Variants in PCDHGA7 observed in about 807,000 individuals in gnomAD.
PCDHGA7 encodes protocadherin gamma-A7.
PCDHGA7 carries 44 observed loss-of-function variants against 58.3 expected under a neutral mutation model. The ratio of observed to expected loss-of-function variants is 0.75; its 90% CI spans 0.59 to 0.97. The LOEUF (loss-of-function observed/expected upper bound fraction) is 0.97, where lower values mean the gene tolerates loss of function less well. PCDHGA7 is among the 50% of genes least tolerant of loss of function. The pLI is 0.00. For missense variants in PCDHGA7, 1,266 were observed against 1,188.7 expected, an observed-to-expected ratio of 1.06 and a Z score of -0.96; for synonymous variants, 516 against 504.2, an observed-to-expected ratio of 1.02 and a Z score of -0.31.
At chr5:141,407,117 C>T (rs1412216570) in intron 1 of PCDHGA7, among the ~76,000 whole-genome samples, 1 of 152,098 alleles carries the variant, frequency 6.6e-6, no homozygotes, top group African/African-American at 2.4e-5. Flanking sequence ...ATTTGGGTTT[C>T]AGTTGCTTTA....
chr5:141,490,585 G>C lies in PCDHGA7; in HGVS notation c.2425-4222G>C. On this transcript the variant is annotated intron_variant, in intron 1 of 3. Transcript: ENST00000518325. The surrounding 1 kb of genome is among the most constrained non-coding windows in gnomAD (Gnocchi z 5.4). Reference sequence around the variant, plus strand: ...CAGGCTCAACATTTCAGATGTCAATGACAATGCACCCCGCTTCAACCAGCA... The same window carrying C: ...CAGGCTCAACATTTCAGATGTCAATCACAATGCACCCCGCTTCAACCAGCA... The C allele has an allele frequency of 6.2e-7, 1 of 1,614,142 alleles. No homozygotes were observed. Among genetic ancestry groups the C allele is most frequent in the South Asian group, 1.1e-5 (1 of 91,078 alleles).
At chr5:141,390,536 C>T (rs2092171598) in intron 1 of PCDHGA7, 1 of 522,874 alleles carries the variant, frequency 1.9e-6, no homozygotes, top group Non-Finnish European at 3.4e-6. Context: ...TGGTTTTAAC[C>T]ACAAAGTGAA....
chr5:141,486,725 C>A lies in PCDHGA7; in HGVS notation c.2425-8082C>A. 1 of 1,614,182 alleles carries A rather than the reference C, an allele frequency of 6.2e-7. No individual in the cohort carries two copies. The highest frequency in any genetic ancestry group is 1.1e-5 in the South Asian group (1 of 91,076). On this transcript the variant is annotated intron_variant, in intron 1 of 3. Transcript: ENST00000518325. The surrounding 1 kb of genome is among the most constrained non-coding windows in gnomAD (Gnocchi z 5.0). ...TCTGAACCCCCAGACAGGAGCTGTT[C>A]ATGCTACTCGATCCTTTGACTATGA...
Position 141,487,321 on chromosome 5 carries a change from T to C in PCDHGA7, c.2425-7486T>C. 1.2e-6 allele frequency: 2 copies of C among 1,614,198 alleles called. No individual in the cohort carries two copies. The highest frequency in any genetic ancestry group is 1.7e-6 in the Non-Finnish European group (2 of 1,180,040). Reference sequence around the variant, plus strand: ...TCGTGGCACTACTCTCTAAGTGTCTTCGTGGGGCAGCCTGTGGAGTCACAT... The same window carrying C: ...TCGTGGCACTACTCTCTAAGTGTCTCCGTGGGGCAGCCTGTGGAGTCACAT... On this transcript the variant is annotated intron_variant, in intron 1 of 3. Transcript: ENST00000518325. The surrounding 1 kb of genome is among the most constrained non-coding windows in gnomAD (Gnocchi z 5.0).
intron 1 of PCDHGA7, among the ~76,000 whole-genome samples, chr5:141,467,047 A>G (rs1271306217): frequency 1.3e-5 from 2 of 149,986 alleles, no homozygotes; most frequent in East Asian, 3.9e-4. Context: ...GTAATGAATC[A>G]ATGTTTTCTT....
intron 1 of PCDHGA7, chr5:141,398,734 G>C (rs768663543): frequency 6.2e-7 from 1 of 1,613,788 alleles, no homozygotes; most frequent in Non-Finnish European, 8.5e-7. Context: ...CTTAGACCGG[G>C]AACAACAGAG....
At chr5:141,408,712 T>G in intron 1 of PCDHGA7, 1 of 1,612,332 alleles carries the variant, frequency 6.2e-7, no homozygotes, top group Non-Finnish European at 8.5e-7. Flanking sequence ...TTAAAGATTA[T>G]AAGATAAACT....
chr5:141,393,315 C>A, intron 1 of PCDHGA7: 1 of 1,613,104 alleles, frequency 6.2e-7, no homozygotes. Flanking sequence ...GAACTCCCTC[C>A]AGAGCTACCA....
chr5:141,394,997 C>T lies in PCDHGA7; in HGVS notation c.2424+9674C>T, dbSNP rs771459458. On this transcript the variant is annotated intron_variant, in intron 1 of 3. Coordinates refer to ENST00000518325, the MANE Select transcript of PCDHGA7 (RefSeq NM_018920.4). ...ACAAGTCACGCCTGCTCCAGGATTC[C>T]GGTGGCAGATTGGTAGGCGTGCCTG... 3.4e-5 allele frequency: 55 copies of T among 1,613,898 alleles called. No individual in the cohort carries two copies. In the East Asian group the frequency reaches 1.1e-3, roughly 32 times the overall value.
chr5:141,393,480 T>A (rs1026854698), intron 1 of PCDHGA7: 1 of 1,614,062 alleles, frequency 6.2e-7, no homozygotes, highest in Non-Finnish European at 8.5e-7. Context: ...GCCGCCTCGC[T>A]CTAGCACAGT....
chr5:141,408,655 A>G (rs778418746), intron 1 of PCDHGA7: 1 of 1,613,928 alleles, frequency 6.2e-7, no homozygotes, highest in African/African-American at 1.3e-5. Flanking sequence ...CTGGTACACG[A>G]CTATCGCTTG....
At position 141,491,067 on chromosome 5, in the gene PCDHGA7, G is replaced by T. The variant is rs752758445; in HGVS notation, c.2425-3740G>T. On this transcript the variant is annotated intron_variant, in intron 1 of 3. Transcript: ENST00000518325. The surrounding 1 kb of genome is among the most constrained non-coding windows in gnomAD (Gnocchi z 6.9). Reference sequence around the variant, plus strand: ...ACAATGCGTGGCTCTCCTACTCACTGTTGCCACAGTCCACAGCCCCAGGAC... The same window carrying T: ...ACAATGCGTGGCTCTCCTACTCACTTTTGCCACAGTCCACAGCCCCAGGAC... 1.2e-6 allele frequency: 2 copies of T among 1,614,200 alleles called. No homozygotes were observed. The highest frequency in any genetic ancestry group is 1.7e-6 in the Non-Finnish European group (2 of 1,180,040).
chr5:141,403,201 C>G (rs1486888915), intron 1 of PCDHGA7: 1 of 1,614,002 alleles, frequency 6.2e-7, no homozygotes, highest in East Asian at 2.2e-5. Context: ...GCAGCGGCAC[C>G]TTGGTCACCG....
chr5:141,433,091 A>G (rs1344906248), intron 1 of PCDHGA7: 2 of 1,614,182 alleles, frequency 1.2e-6, no homozygotes, highest in African/African-American at 1.3e-5. Flanking sequence ...CTATGCAGAC[A>G]TGCTCGTCAG....
chr5:141,482,220 G>T (rs945741591), intron 1 of PCDHGA7, among the ~76,000 whole-genome samples: 8 of 152,148 alleles, frequency 5.3e-5, no homozygotes, highest in African/African-American at 1.9e-4. Flanking sequence ...ACTTGTTTTG[G>T]TGTGAAATTG....
Position 141,489,510 on chromosome 5 carries a change from T to A in PCDHGA7, c.2425-5297T>A, listed in dbSNP as rs762210983. 1 of 1,614,124 alleles carries A rather than the reference T, an allele frequency of 6.2e-7. No individual in the cohort carries two copies. The highest frequency in any genetic ancestry group is 1.7e-5 in the Admixed American group (1 of 60,022). On this transcript the variant is annotated intron_variant, in intron 1 of 3. Transcript: ENST00000518325. This position sits in a 1 kb window ranked among gnomAD's most constrained non-coding sequence, Gnocchi z 4.5. Reference sequence around the variant, plus strand: ...GTGCCCTGGCAGTGAATCAAAAGATTGACCGAGAAAGCCTATGTGGAGCCA... The same window carrying A: ...GTGCCCTGGCAGTGAATCAAAAGATAGACCGAGAAAGCCTATGTGGAGCCA...
chr5:141,478,418 C>A, intron 1 of PCDHGA7: 1 of 1,613,650 alleles, frequency 6.2e-7, no homozygotes, highest in Non-Finnish European at 8.5e-7. Context: ...GGACTCCCGC[C>A]GCAGCGACCC....
chr5:141,395,459 T>C (rs2093235244), intron 1 of PCDHGA7: 1 of 602,046 alleles, frequency 1.7e-6, no homozygotes, highest in African/African-American at 1.9e-5. Context: ...TCAACCATTT[T>C]AAGCCTTCCA....
At chr5:141,428,204 C>T (rs756271858) in intron 1 of PCDHGA7, 23 of 1,324,604 alleles carry the variant, frequency 1.7e-5, no homozygotes, top group Admixed American at 5.5e-5. Flanking sequence ...TGCGCCGCTA[C>T]GCTTCACCTA....
Sources: gnomAD v4.1 joint callset for allele counts (sites outside exome capture counted in the v4.1 genomes callset) on GRCh38, gnomAD v4.1.1 for gene constraint, Gnocchi (gnomAD v3.1) non-coding constraint, MANE v1.5 for transcripts, NCBI Gene and HGNC (gene_info 2026-07-23, HGNC 2026-07-21) for gene names.